Variants in PCDH9 observed in about 807,000 individuals in gnomAD.
PCDH9 encodes the protein protocadherin-9.
A neutral mutation model predicts 70.6 loss-of-function variants in PCDH9; 24 were observed. The ratio of observed to expected loss-of-function variants is 0.34; its 90% CI spans 0.25 to 0.48. PCDH9 has a LOEUF of 0.48. Among genes scored for constraint, PCDH9 ranks in the 20% least tolerant of loss-of-function variants. The probability of loss-of-function intolerance (pLI) is 0.99; values close to 1 mark genes in which losing one functional copy is unlikely to be tolerated. For synonymous variants in PCDH9, 562 were observed against 558.5 expected, an observed-to-expected ratio of 1.01 and a Z score of -0.09; for missense variants, 1,281 against 1,503.6, an observed-to-expected ratio of 0.85 and a Z score of 2.45.
chr13:66,703,172 AG>A (rs1232975006), intron 3 of PCDH9, among the ~76,000 whole-genome samples: 1 of 152,178 alleles, frequency 6.6e-6, no homozygotes, highest in Non-Finnish European at 1.5e-5. Context: ...TTAAGATTTC[AG>A]TTTATTACCA....
intron 3 of PCDH9, among the ~76,000 whole-genome samples, chr13:66,808,753 G>A (rs566290525): frequency 6.6e-6 from 1 of 152,248 alleles, no homozygotes; most frequent in East Asian, 1.9e-4. Context: ...ATTAGTCATT[G>A]TTACTTAATG....
chr13:67,071,149 A>G (rs1245161743), intron 2 of PCDH9, among the ~76,000 whole-genome samples: 1 of 152,184 alleles, frequency 6.6e-6, no homozygotes, highest in African/African-American at 2.4e-5. Flanking sequence ...AGAAAAAACA[A>G]GGAGAGCCAA....
At chr13:67,027,437 G>A (rs561551715) in intron 2 of PCDH9, among the ~76,000 whole-genome samples, 8 of 152,236 alleles carry the variant, frequency 5.3e-5, no homozygotes, top group East Asian at 3.9e-4. Flanking sequence ...TTAAAGACTT[G>A]AACGTTAGAC....
At chr13:66,359,599 A>C (rs551535334) in intron 4 of PCDH9, among the ~76,000 whole-genome samples, 2 of 152,224 alleles carry the variant, frequency 1.3e-5, no homozygotes, top group East Asian at 3.9e-4. Flanking sequence ...CTGTCGGCAC[A>C]GAAACAATGA....
At chr13:66,873,024 C>T (rs986841498) in intron 3 of PCDH9, among the ~76,000 whole-genome samples, 13 of 152,098 alleles carry the variant, frequency 8.5e-5, no homozygotes, top group Non-Finnish European at 5.9e-5. Context: ...GTTCTAATAT[C>T]TAACCTCTTA....
chr13:66,959,827 C>A (rs1442506557), intron 2 of PCDH9, among the ~76,000 whole-genome samples: 2 of 151,754 alleles, frequency 1.3e-5, no homozygotes, highest in Admixed American at 1.3e-4. Flanking sequence ...AGCTGGATTA[C>A]CTTTTTTATT....
At chr13:67,146,561 A>G (rs539853832) in intron 2 of PCDH9, among the ~76,000 whole-genome samples, 3 of 152,312 alleles carry the variant, frequency 2.0e-5, no homozygotes, top group East Asian at 3.9e-4. Context: ...ATCTTGAAAA[A>G]TTATCTGCTC....
At chr13:67,152,828 G>C (rs536103845) in intron 2 of PCDH9, among the ~76,000 whole-genome samples, 2 of 152,334 alleles carry the variant, frequency 1.3e-5, no homozygotes, top group East Asian at 3.9e-4. Context: ...AGGAAGATGA[G>C]AAGGTTTTAT....
chr13:66,694,342 T>G (rs2078528922), intron 3 of PCDH9, among the ~76,000 whole-genome samples: 1 of 152,198 alleles, frequency 6.6e-6, no homozygotes, highest in African/African-American at 2.4e-5. Flanking sequence ...CTTTGTGGGC[T>G]GCAGGCAAGT....
chr13:66,562,049 C>T (rs554406899), intron 4 of PCDH9, among the ~76,000 whole-genome samples: 1 of 152,162 alleles, frequency 6.6e-6, no homozygotes, highest in East Asian at 1.9e-4. Flanking sequence ...TGAACACATC[C>T]AAACATCAGA....
At chr13:67,100,253 A>G (rs547203976) in intron 2 of PCDH9, among the ~76,000 whole-genome samples, 1 of 152,346 alleles carries the variant, frequency 6.6e-6, no homozygotes, top group East Asian at 1.9e-4. Context: ...TTAAGAAATA[A>G]TAGTAAACAT....
At chr13:66,668,697 G>C (rs1448777500) in intron 3 of PCDH9, among the ~76,000 whole-genome samples, 2 of 152,268 alleles carry the variant, frequency 1.3e-5, no homozygotes, top group South Asian at 4.1e-4. Flanking sequence ...GCTTTCATCA[G>C]TGAAAATTTG....
At chr13:66,410,168 A>G (rs1185175853) in intron 4 of PCDH9, among the ~76,000 whole-genome samples, 2 of 152,124 alleles carry the variant, frequency 1.3e-5, no homozygotes, top group East Asian at 3.8e-4. Context: ...GAAAAATAGA[A>G]GTGTATTTCT....
intron 2 of PCDH9, among the ~76,000 whole-genome samples, chr13:67,140,777 A>C (rs2138356586): frequency 6.6e-6 from 1 of 152,332 alleles, no homozygotes; most frequent in East Asian, 1.9e-4. Context: ...ATTTTGATAA[A>C]GGCATGCCCT....
chr13:67,090,689 AT>A (rs1386672187), intron 2 of PCDH9, among the ~76,000 whole-genome samples: 1 of 152,070 alleles, frequency 6.6e-6, no homozygotes, highest in African/African-American at 2.4e-5. Context: ...AATGAAAAAA[AT>A]CATTAAGCAT....
chr13:66,595,120 A>G (rs1202893185), intron 4 of PCDH9, among the ~76,000 whole-genome samples: 1 of 151,582 alleles, frequency 6.6e-6, no homozygotes, highest in Admixed American at 6.6e-5. Context: ...GCCTTCTGTC[A>G]GCTTAATGGC....
intron 4 of PCDH9, among the ~76,000 whole-genome samples, chr13:66,389,109 A>G (rs902968862): frequency 3.9e-5 from 6 of 152,182 alleles, no homozygotes; most frequent in African/African-American, 1.4e-4. Context: ...AATCATGCAC[A>G]AAGTAAATTT....
intron 3 of PCDH9, among the ~76,000 whole-genome samples, chr13:66,739,037 T>G (rs2079208666): frequency 8.7e-6 from 1 of 114,904 alleles, no homozygotes; most frequent in Non-Finnish European, 1.8e-5. Context: ...GACACATAAT[T>G]GTCAGATTCA....
intron 3 of PCDH9, among the ~76,000 whole-genome samples, chr13:66,662,139 C>A (rs2078017915): frequency 6.6e-6 from 1 of 151,950 alleles, no homozygotes; most frequent in African/African-American, 2.4e-5. Flanking sequence ...CTAGCAACAT[C>A]AAAACAAATA....
Sources: allele counts gnomAD v4.1 joint callset (sites outside exome capture counted in the v4.1 genomes callset), GRCh38; gene constraint gnomAD v4.1.1; transcripts MANE v1.5; gene names NCBI Gene and HGNC (gene_info 2026-07-23, HGNC 2026-07-21).